Variants in ZDHHC8 observed in about 807,000 individuals in gnomAD.
The protein encoded by ZDHHC8 is zDHHC palmitoyltransferase 8, also known as palmitoyltransferase ZDHHC8.
In ZDHHC8, 24 loss-of-function variants were observed where a neutral mutation model predicts 61.2. The ratio of observed to expected loss-of-function variants is 0.39; its 90% CI spans 0.28 to 0.55. The LOEUF (loss-of-function observed/expected upper bound fraction) is 0.55, where lower values mean the gene tolerates loss of function less well. ZDHHC8 is among the 20% of genes least tolerant of loss of function. The pLI is 0.60. For missense variants in ZDHHC8, 935 were observed against 1,102.1 expected, an observed-to-expected ratio of 0.85 and a Z score of 2.15; for synonymous variants, 523 against 492.5, an observed-to-expected ratio of 1.06 and a Z score of -0.82.
At position 20,147,287 on chromosome 22, in the gene ZDHHC8, A is replaced by G; in HGVS notation, c.*1887A>G. 3.6e-6 allele frequency: 5 copies of G among 1,389,292 alleles called. No homozygotes were observed. Among genetic ancestry groups the G allele is most frequent in the Non-Finnish European group, 4.7e-6 (5 of 1,067,720 alleles). 86.1% of individuals were successfully genotyped at this position (1,389,292 alleles called of 1,614,324 possible). A position where few individuals can be genotyped will look rare whatever the true frequency, so the allele number is the denominator to read the frequency against. ...AGGACAGCCCAGCTGGGGACCCAGG[A>G]GGTCAGACTGCAGTGGACCCTGGGG... On this transcript the variant is annotated 3_prime_UTR_variant, in exon 11 of 11. Transcript: ENST00000334554.
chr22:20,134,868 G>T (rs1269920317), intron 1 of ZDHHC8, among the ~76,000 whole-genome samples: 1 of 152,132 alleles, frequency 6.6e-6, no homozygotes, highest in Non-Finnish European at 1.5e-5. Context: ...TCTCAGGATG[G>T]GGCACATACA....
In ZDHHC8 at chr22:20,146,848, C is replaced by T. The variant is rs1487457468; in HGVS notation, c.*1448C>T. 3 of 1,258,490 alleles carry T rather than the reference C, an allele frequency of 2.4e-6. No individual in the cohort carries two copies. In the Admixed American group the frequency reaches 1.3e-4, roughly 53 times the overall value. The allele number at this position is 1,258,490 out of a possible 1,614,324, so 78.0% of individuals were successfully genotyped here. A position where few individuals can be genotyped will look rare whatever the true frequency, so the allele number is the denominator to read the frequency against. On this transcript the variant is annotated 3_prime_UTR_variant, in exon 11 of 11. Coordinates refer to ENST00000334554, the MANE Select transcript of ZDHHC8 (RefSeq NM_013373.4). ...GGGCCGCTGAACCTGCTGGAACTCTCCTGCCTGCCACATGCCAGGGGCAGG... is the reference window on the plus strand; with the variant it reads ...GGGCCGCTGAACCTGCTGGAACTCTTCTGCCTGCCACATGCCAGGGGCAGG...
intron 9 of ZDHHC8, among the ~76,000 whole-genome samples, chr22:20,141,941 C>T (rs1206220471): frequency 9.2e-5 from 14 of 152,266 alleles, no homozygotes; most frequent in African/African-American, 2.4e-4. Flanking sequence ...GAATTTGAGA[C>T]GTGCTTGAGA....
rs772310208 is a variant in ZDHHC8, at chr22:20,139,486, G to A, written c.235G>A (p.Asp79Asn). The part of the protein sequence containing the change: ...DPGVFPRADE[D>N]EDKEDDFRAP... ...TGGCTCCTGGTCTGTAGCGGATGAG[G>A]ATGAGGACAAGGAGGACGACTTCCG... The change falls in exon 3 of 11, where the codon GAT becomes AAT. Residue 79 changes from aspartate to asparagine, a missense_variant. By Grantham distance (23) the Asp-to-Asn change is conservative (BLOSUM62 1). This residue lies in a region of ZDHHC8 where 199 missense variants were observed against 334.0 expected (regional missense o/e 0.60). Coordinates refer to ENST00000334554, the MANE Select transcript of ZDHHC8 (RefSeq NM_013373.4). 11 of 1,613,552 alleles carry A rather than the reference G, an allele frequency of 6.8e-6. No individual in the cohort carries two copies. Among genetic ancestry groups the A allele is most frequent in the South Asian group, 1.1e-5 (1 of 91,088 alleles).
chr22:20,141,808 G>A (rs181846282), intron 9 of ZDHHC8, among the ~76,000 whole-genome samples: 11 of 152,324 alleles, frequency 7.2e-5, no homozygotes, highest in East Asian at 3.9e-4. Context: ...CAGGCTTGGC[G>A]TCTGTCCCTT....
In ZDHHC8 at chr22:20,139,509, C is replaced by G; in HGVS notation, c.258C>G (p.Phe86Leu). 1 of 1,613,670 alleles carries G rather than the reference C, an allele frequency of 6.2e-7. No individual in the cohort carries two copies. The highest frequency in any genetic ancestry group is 2.2e-5 in the East Asian group (1 of 44,888). ...ADEDEDKEDD[F>L]RAPLYKNVDV... ...AGGATGAGGACAAGGAGGACGACTT[C>G]CGGGCTCCGCTGTACAAGAACGTGG... Residue 86 changes from phenylalanine (F) to leucine (L), a missense_variant, in exon 3 of 11, where the codon TTC becomes TTG. Phe to Leu is a conservative substitution (Grantham distance 22, BLOSUM62 0). Transcript: ENST00000334554.
chr22:20,141,228 C>T lies in ZDHHC8; in HGVS notation c.906C>T (p.Ser302=). The T allele has an allele frequency of 1.2e-6, 2 of 1,611,772 alleles. No individual in the cohort carries two copies. The highest frequency in any genetic ancestry group is 1.7e-6 in the Non-Finnish European group (2 of 1,179,610). The change falls in exon 8 of 11, where the codon AGC becomes AGT. Residue 302 remains serine (S), a synonymous_variant. Transcript: ENST00000334554. ...AGLGRSKSKG[S]LDRLDEKPLD... is the part of the protein sequence containing the mutation. ...CCGCTCCCTCCCAGTCCAAGGGCAGCCTGGACCGGCTGGATGAGAAGCCAC... is the reference window on the plus strand; with the variant it reads ...CCGCTCCCTCCCAGTCCAAGGGCAGTCTGGACCGGCTGGATGAGAAGCCAC...
chr22:20,140,800 G>C (rs1434686036), intron 6 of ZDHHC8, 71 bp from the exon 7 acceptor site: 4 of 1,596,528 alleles, frequency 2.5e-6, no homozygotes, highest in Non-Finnish European at 3.4e-6. Flanking sequence ...GCTCTTGCCA[G>C]GTATGGCCAG....
Position 20,138,183 on chromosome 22 carries a change from G to C in ZDHHC8, c.105-1011G>C, listed in dbSNP as rs142827613. ...CCCATCCACTGCTAGTGGCCATAGAGGTCAGGGCTGCTGTGGGGGATCCCC... is the reference window on the plus strand; with the variant it reads ...CCCATCCACTGCTAGTGGCCATAGACGTCAGGGCTGCTGTGGGGGATCCCC... On this transcript the variant is annotated intron_variant, in intron 1 of 10. Coordinates refer to ENST00000334554, the MANE Select transcript of ZDHHC8 (RefSeq NM_013373.4). Among the ~76,000 whole-genome samples, 815 of 152,354 alleles carry C rather than the reference G, an allele frequency of 5.3e-3. 4 individuals carry two copies. The highest frequency in any genetic ancestry group is 8.5e-3 in the Non-Finnish European group (577 of 68,026).
Position 20,140,137 on chromosome 22 carries a change from G to A in ZDHHC8, c.580G>A (p.Gly194Ser), listed in dbSNP as rs1399133864. 5.0e-6 allele frequency: 8 copies of A among 1,613,588 alleles called. No individual in the cohort carries two copies. The highest frequency in any genetic ancestry group is 3.3e-5 in the Admixed American group (2 of 60,002). ...TITMAVMCVAGLFFIPVIGLT... is the reference protein window; with the variant it reads ...TITMAVMCVASLFFIPVIGLT... ...TAGCATGGCTGTCATGTGTGTGGCC[G>A]GCCTCTTCTTCATCCCTGTCATTGG... is the stretch of plus-strand genomic sequence containing the variant. The change falls in exon 5 of 11, where the codon GGC (glycine) becomes AGC (serine). Residue 194 changes from glycine (G) to serine (S), a missense_variant. By Grantham distance (56) the Gly-to-Ser change is moderately conservative (BLOSUM62 0). Coordinates refer to ENST00000334554, the MANE Select transcript of ZDHHC8 (RefSeq NM_013373.4).
At chr22:20,142,408 G>C (rs1390702480) in intron 9 of ZDHHC8, among the ~76,000 whole-genome samples, 1 of 152,176 alleles carries the variant, frequency 6.6e-6, no homozygotes, top group Non-Finnish European at 1.5e-5. Flanking sequence ...TGAGGCTCTT[G>C]TCCCAAGCCC....
At position 20,140,512 on chromosome 22, in the gene ZDHHC8, C is replaced by T. The variant is rs374686623; in HGVS notation, c.661-105C>T. The T allele has an allele frequency of 1.8e-4, 220 of 1,242,646 alleles. 1 individual carries two copies. The African/African-American group carries it at 2.1e-3, about 12-fold the overall frequency. 77.0% of individuals were successfully genotyped at this position (1,242,646 alleles called of 1,614,324 possible). On this transcript the variant is annotated intron_variant, in intron 5 of 10. Transcript: ENST00000334554. ...GGCTGATCCCACCTAAGCCACTTCC[C>T]GCAAGTATCAGCTTCTAAGGAACCC...
Position 20,141,224 on chromosome 22 carries a change from G to A in ZDHHC8, c.902G>A (p.Gly301Asp), listed in dbSNP as rs2050466649. The A allele has an allele frequency of 1.9e-6, 3 of 1,611,562 alleles. No homozygotes were observed. Among genetic ancestry groups the A allele is most frequent in the Non-Finnish European group, 2.5e-6 (3 of 1,179,508 alleles). ...GACCCCGCTCCCTCCCAGTCCAAGGGCAGCCTGGACCGGCTGGATGAGAAG... is the reference window on the plus strand; with the variant it reads ...GACCCCGCTCCCTCCCAGTCCAAGGACAGCCTGGACCGGCTGGATGAGAAG... ...KAGLGRSKSKGSLDRLDEKPL... is the reference protein window; with the variant it reads ...KAGLGRSKSKDSLDRLDEKPL... The change falls in exon 8 of 11, where the codon GGC becomes GAC. Residue 301 changes from glycine (G) to aspartate (D), a missense_variant. By Grantham distance (94) the Gly-to-Asp change is moderately conservative (BLOSUM62 -1). Coordinates refer to ENST00000334554, the MANE Select transcript of ZDHHC8 (RefSeq NM_013373.4).
Position 20,142,834 on chromosome 22 carries a change from C to T in ZDHHC8, c.1204C>T (p.Leu402Phe), listed in dbSNP as rs557920951. 2 of 1,612,750 alleles carry T rather than the reference C, an allele frequency of 1.2e-6. No homozygotes were observed. Among genetic ancestry groups the T allele is most frequent in the Non-Finnish European group, 1.7e-6 (2 of 1,179,964 alleles). Residue 402 changes from leucine (L) to phenylalanine (F), a missense_variant, in exon 10 of 11, where the codon CTC (leucine) becomes TTC (phenylalanine). Transcript: ENST00000334554. ...LDFVSEPSLDLPDYGPGGLHA... is the reference protein window; with the variant it reads ...LDFVSEPSLDFPDYGPGGLHA... ...CTTTGTGTCCGAGCCGAGCCTGGAC[C>T]TCCCTGACTATGGGCCAGGGGGCCT...
Position 20,143,168 on chromosome 22 carries a change from C to A in ZDHHC8, c.1538C>A (p.Ala513Glu). 6.2e-7 allele frequency: 1 copy of A among 1,611,064 alleles called. No homozygotes were observed. Reference protein sequence around the residue: ...GYHSPYLHPGATGDPPRPLPR... With the variant: ...GYHSPYLHPGETGDPPRPLPR... Reference sequence around the variant, plus strand: ...CACTCACCCTACCTGCATCCTGGGGCAACGGGCGACCCGCCACGGCCCCTA... The same window carrying A: ...CACTCACCCTACCTGCATCCTGGGGAAACGGGCGACCCGCCACGGCCCCTA... Residue 513 changes from alanine (A) to glutamate (E), a missense_variant, in exon 10 of 11, where the codon GCA (alanine) becomes GAA (glutamate). By Grantham distance (107) the Ala-to-Glu change is moderately radical (BLOSUM62 -1). This residue lies in a region of ZDHHC8 where 692 missense variants were observed against 731.4 expected (regional missense o/e 0.95). Coordinates refer to ENST00000334554, the MANE Select transcript of ZDHHC8 (RefSeq NM_013373.4).
intron 1 of ZDHHC8, 29 bp from the exon 2 acceptor site, chr22:20,139,165 C>G: frequency 6.2e-7 from 1 of 1,605,902 alleles, no homozygotes. Context: ...CCCCCAGACT[C>G]CACTCTCTGC....
intron 1 of ZDHHC8, among the ~76,000 whole-genome samples, chr22:20,135,878 C>T (rs939973209): frequency 5.9e-5 from 9 of 152,274 alleles, no homozygotes; most frequent in East Asian, 5.8e-4. Context: ...GCCACTCATA[C>T]ACAAACAGTG....
chr22:20,133,020 G>A (rs1346216873), intron 1 of ZDHHC8, among the ~76,000 whole-genome samples: 2 of 152,238 alleles, frequency 1.3e-5, no homozygotes, highest in African/African-American at 4.8e-5. Context: ...CTGGAGAGGG[G>A]CAGGTAGGGG....
In ZDHHC8 at chr22:20,145,427, G is replaced by T; in HGVS notation, c.*27G>T. The T allele has an allele frequency of 6.9e-7, 1 of 1,458,814 alleles. No homozygotes were observed. Among genetic ancestry groups the T allele is most frequent in the East Asian group, 2.7e-5 (1 of 36,448 alleles). The allele number at this position is 1,458,814 out of a possible 1,614,324, so 90.4% of individuals were successfully genotyped here. ...GACTGACTGCCACACATCCGCCATG[G>T]TGCCACGGGGACCAGGACCCCACAG... On this transcript the variant is annotated 3_prime_UTR_variant, in exon 11 of 11. Transcript: ENST00000334554.
Sources: allele counts gnomAD v4.1 joint callset (sites outside exome capture counted in the v4.1 genomes callset), GRCh38; gene constraint gnomAD v4.1.1; regional missense constraint gnomAD v4.1.1; transcripts MANE v1.5; gene names NCBI Gene and HGNC (gene_info 2026-07-23, HGNC 2026-07-21).